Variants in CADPS2 observed in about 807,000 individuals in gnomAD.
The protein encoded by CADPS2 is calcium-dependent secretion activator 2.
In CADPS2, 93 loss-of-function variants were observed where a neutral mutation model predicts 172.5. The ratio of observed to expected loss-of-function variants is 0.54; its 90% confidence interval spans 0.46 to 0.64. The LOEUF (loss-of-function observed/expected upper bound fraction) is 0.64. Among genes scored for constraint, CADPS2 ranks in the 30% least tolerant of loss-of-function variants. The pLI, the probability that CADPS2 is intolerant of heterozygous loss-of-function variation, is 0.00. For missense variants in CADPS2, 1,420 were observed against 1,565.9 expected (o/e 0.91, Z 1.57); for synonymous variants, 546 against 555.2 (o/e 0.98, Z 0.23).
chr7:122,504,401 C>T (rs946219941), intron 9 of CADPS2, among the ~76,000 whole-genome samples: 6 of 152,072 alleles, frequency 3.9e-5, no homozygotes, highest in African/African-American at 7.2e-5. Flanking sequence ...GTTACTATAA[C>T]GCAGTATAGT....
At chr7:122,650,990 T>A (rs1359659678) in intron 3 of CADPS2, among the ~76,000 whole-genome samples, 1 of 152,040 alleles carries the variant, frequency 6.6e-6, no homozygotes, top group East Asian at 1.9e-4. Context: ...CCTTGCTGCA[T>A]CCCCAAACAC....
At chr7:122,778,881 C>T (rs1380230883) in intron 1 of CADPS2, among the ~76,000 whole-genome samples, 5 of 152,196 alleles carry the variant, frequency 3.3e-5, no homozygotes, top group Non-Finnish European at 7.3e-5. Flanking sequence ...TACAGTTTGG[C>T]TGTGTCCCCA....
At chr7:122,612,174 C>T (rs2074378536) in intron 6 of CADPS2, among the ~76,000 whole-genome samples, 1 of 151,806 alleles carries the variant, frequency 6.6e-6, no homozygotes, top group Non-Finnish European at 1.5e-5. Flanking sequence ...TTTCTTACCA[C>T]TTATAGTCAA....
chr7:122,698,319 A>T, intron 2 of CADPS2: 3 of 1,614,092 alleles, frequency 1.9e-6, no homozygotes, highest in Non-Finnish European at 2.5e-6. Context: ...ATGCTAAGGT[A>T]GCAGTTGTGA....
In CADPS2 at chr7:122,326,617, T is replaced by C. The variant is rs189846491; in HGVS notation, c.3613-1036A>G. Among the ~76,000 whole-genome samples, 594 of 152,114 alleles carry C rather than the reference T, an allele frequency of 3.9e-3. 6 individuals carry two copies. The highest frequency in any genetic ancestry group is 0.014 in the African/African-American group (567 of 41,532). On this transcript the variant is annotated intron_variant, in intron 28 of 29. Transcript: ENST00000449022. ...GCCTTGCTTGTATACACAAACATAATGACAGTCCAGATCACATATGTGTGT... is the reference window on the plus strand; with the variant it reads ...GCCTTGCTTGTATACACAAACATAACGACAGTCCAGATCACATATGTGTGT...
intron 6 of CADPS2, among the ~76,000 whole-genome samples, chr7:122,604,062 CTTTA>C (rs762553497): frequency 2.0e-5 from 3 of 152,046 alleles, no homozygotes; most frequent in Non-Finnish European, 4.4e-5. Flanking sequence ...TGAATACAAT[CTTTA>C]TTTGTTAAGT....
chr7:122,512,426 T>C (rs2060070154), intron 9 of CADPS2, among the ~76,000 whole-genome samples: 2 of 152,144 alleles, frequency 1.3e-5, no homozygotes, highest in South Asian at 4.1e-4. Context: ...GGATTTATCA[T>C]GGACTGGAAT....
Position 122,718,360 on chromosome 7 carries a change from A to C in CADPS2, c.453+18595T>G, listed in dbSNP as rs577492005. Among the ~76,000 whole-genome samples, 7 of 152,098 alleles carry C rather than the reference A, an allele frequency of 4.6e-5. No homozygotes were observed. The East Asian group carries it at 1.4e-3, about 30-fold the overall frequency. The stretch of plus-strand genomic sequence containing the variant: ...GATGTGGGAGGGGCAAAAGGAAAGC[A>C]GGTGAGTAGGGGAGAGAGGGAAAAG... On this transcript the variant is annotated intron_variant, in intron 2 of 29. Coordinates refer to ENST00000449022, the MANE Select transcript of CADPS2 (RefSeq NM_017954.11).
At chr7:122,362,636 T>C (rs1383584188) in intron 25 of CADPS2, among the ~76,000 whole-genome samples, 4 of 152,166 alleles carry the variant, frequency 2.6e-5, no homozygotes, top group Non-Finnish European at 5.9e-5. Flanking sequence ...TAATATGAAC[T>C]ATTGACACAT....
chr7:122,353,803 C>CT (rs1052964381), intron 27 of CADPS2, among the ~76,000 whole-genome samples: 1 of 152,100 alleles, frequency 6.6e-6, no homozygotes. Context: ...TTGTAAATAA[C>CT]TTTTTTTTAA....
chr7:122,630,603 G>A (rs1160993355), intron 3 of CADPS2, among the ~76,000 whole-genome samples: 2 of 152,060 alleles, frequency 1.3e-5, no homozygotes, highest in African/African-American at 2.4e-5. Flanking sequence ...TTCCTTGAGA[G>A]GTTTAAAGTG....
intron 1 of CADPS2, among the ~76,000 whole-genome samples, chr7:122,802,412 C>A (rs375615861): frequency 3.2e-4 from 49 of 152,304 alleles, no homozygotes; most frequent in African/African-American, 1.1e-3. Context: ...CTCCACTCTT[C>A]GGTAATCGCT....
intron 1 of CADPS2, among the ~76,000 whole-genome samples, chr7:122,791,481 A>G (rs1197677856): frequency 6.6e-6 from 1 of 152,174 alleles, no homozygotes; most frequent in Non-Finnish European, 1.5e-5. Flanking sequence ...AGTCAAGCAT[A>G]CTGAAACATA....
intron 1 of CADPS2, among the ~76,000 whole-genome samples, chr7:122,770,856 G>C (rs1427464075): frequency 6.6e-6 from 1 of 152,150 alleles, no homozygotes; most frequent in African/African-American, 2.4e-5. Context: ...AGACAACTAG[G>C]ACAAAAGGGC....
intron 3 of CADPS2, among the ~76,000 whole-genome samples, chr7:122,639,268 A>T (rs2077364294): frequency 6.6e-6 from 1 of 152,256 alleles, no homozygotes; most frequent in South Asian, 2.1e-4. Flanking sequence ...GAGTTTTTTA[A>T]ATTTATTTTC....
chr7:122,695,089 A>G (rs2084898503), intron 2 of CADPS2, among the ~76,000 whole-genome samples: 1 of 152,234 alleles, frequency 6.6e-6, no homozygotes, highest in Non-Finnish European at 1.5e-5. Flanking sequence ...TCTGCAGGAC[A>G]GTTGCATTAT....
At chr7:122,856,645 A>T (rs1469144201) in intron 1 of CADPS2, among the ~76,000 whole-genome samples, 1 of 152,218 alleles carries the variant, frequency 6.6e-6, no homozygotes, top group African/African-American at 2.4e-5. Context: ...TGGCTAAAAA[A>T]ATATGCCAAG....
intron 28 of CADPS2, among the ~76,000 whole-genome samples, chr7:122,343,312 A>G (rs1209792090): frequency 6.6e-6 from 1 of 152,180 alleles, no homozygotes; most frequent in Non-Finnish European, 1.5e-5. Flanking sequence ...CCAAAACAGA[A>G]TGGTTGCTTA....
At chr7:122,685,527 C>G (rs920644475) in intron 2 of CADPS2, among the ~76,000 whole-genome samples, 1 of 152,184 alleles carries the variant, frequency 6.6e-6, no homozygotes, top group African/African-American at 2.4e-5. Context: ...TTTTTCTGCA[C>G]AGGTTCTAGA....
Sources: allele counts gnomAD v4.1 joint callset (sites outside exome capture counted in the v4.1 genomes callset), GRCh38; gene constraint gnomAD v4.1.1; transcripts MANE v1.5; gene names NCBI Gene and HGNC (gene_info 2026-07-23, HGNC 2026-07-21).